TMEM132B: variants seen among roughly 807,000 people sequenced by gnomAD.
TMEM132B encodes the protein transmembrane protein 132B.
TMEM132B carries 18 observed loss-of-function variants against 90.8 expected under a neutral mutation model. The observed-to-expected ratio is 0.20, with a 90% CI of 0.14 to 0.29. The LOEUF (loss-of-function observed/expected upper bound fraction) is 0.29, where lower values mean the gene tolerates loss of function less well. Ranked by LOEUF, TMEM132B falls within the 10% of genes least tolerant of loss-of-function variation. The pLI, the probability that TMEM132B is intolerant of heterozygous loss-of-function variation, is 1.00. For missense variants in TMEM132B, 1,096 were observed against 1,326.8 expected, an observed-to-expected ratio of 0.83 and a Z score of 2.70; for synonymous variants, 504 against 523.3, an observed-to-expected ratio of 0.96 and a Z score of 0.50.
intron 1 of TMEM132B, among the ~76,000 whole-genome samples, chr12:125,206,236 G>T (rs920312569): frequency 6.6e-6 from 1 of 152,076 alleles, no homozygotes; most frequent in South Asian, 2.1e-4. Flanking sequence ...ATGATTTTTT[G>T]TTTGTTTGTT....
In TMEM132B at chr12:125,459,713, A is replaced by G. The variant is rs1881386572; in HGVS notation, c.1106+44036A>G. ...ACACAAAGGATAAATGCTTGAGAGG[A>G]TGGATACCCCATGGTATGGTCTGGA... On this transcript the variant is annotated intron_variant, in intron 3 of 8. Coordinates refer to ENST00000682704, the MANE Select transcript of TMEM132B (RefSeq NM_001366854.1). This position sits in a 1 kb window ranked among gnomAD's most constrained non-coding sequence, Gnocchi z 4.1. Among the ~76,000 whole-genome samples the G allele has an allele frequency of 6.6e-6, 1 of 152,188 alleles. No individual in the cohort carries two copies. The highest frequency in any genetic ancestry group is 1.5e-5 in the Non-Finnish European group (1 of 68,028).
intron 1 of TMEM132B, among the ~76,000 whole-genome samples, chr12:125,344,556 G>A (rs1036383868): frequency 6.6e-6 from 1 of 152,170 alleles, no homozygotes; most frequent in African/African-American, 2.4e-5. Flanking sequence ...GTTTCTGCCA[G>A]TGAATGCTGC....
intron 5 of TMEM132B, among the ~76,000 whole-genome samples, chr12:125,611,083 G>A (rs1466465450): frequency 6.6e-6 from 1 of 151,678 alleles, no homozygotes; most frequent in African/African-American, 2.4e-5. Flanking sequence ...CTTGTCATAG[G>A]CCTATTCAGA....
chr12:125,429,530 A>T (rs1346934310), intron 3 of TMEM132B, among the ~76,000 whole-genome samples: 1 of 151,998 alleles, frequency 6.6e-6, no homozygotes, highest in African/African-American at 2.4e-5. Context: ...CTGTTCTAGG[A>T]TCCCACATGA....
chr12:125,469,537 C>A (rs542105960), intron 3 of TMEM132B, among the ~76,000 whole-genome samples: 1 of 152,196 alleles, frequency 6.6e-6, no homozygotes, highest in Non-Finnish European at 1.5e-5. Flanking sequence ...GTGCCTGGGT[C>A]TTTGATGATG....
chr12:125,210,877 C>T (rs1351849775), intron 1 of TMEM132B, among the ~76,000 whole-genome samples: 2 of 152,024 alleles, frequency 1.3e-5, no homozygotes, highest in Non-Finnish European at 2.9e-5. Context: ...GCAGGAGGAC[C>T]ACTTGACCCC....
intron 3 of TMEM132B, among the ~76,000 whole-genome samples, chr12:125,470,122 C>T (rs1881671009): frequency 1.3e-5 from 2 of 152,204 alleles, no homozygotes; most frequent in Non-Finnish European, 2.9e-5. Context: ...ACAGATAATT[C>T]TGAGCCAGCC....
intron 2 of TMEM132B, among the ~76,000 whole-genome samples, chr12:125,378,421 G>T (rs1346305823): frequency 6.6e-6 from 1 of 152,190 alleles, no homozygotes; most frequent in African/African-American, 2.4e-5. Flanking sequence ...CCCATAAGAA[G>T]AATTTACAAG....
At chr12:125,285,532 G>A (rs1875325951) in intron 1 of TMEM132B, among the ~76,000 whole-genome samples, 1 of 152,150 alleles carries the variant, frequency 6.6e-6, no homozygotes, top group African/African-American at 2.4e-5. Flanking sequence ...AGTGAGAGAG[G>A]GGATTCACAC....
rs1318259752 is a variant in TMEM132B, at chr12:125,494,015, C to A, written c.1107-25424C>A. 5.5e-5 allele frequency among the ~76,000 whole-genome samples: 8 copies of A among 144,364 alleles called. No homozygotes were observed. In the South Asian group the frequency reaches 1.8e-3, roughly 33 times the overall value. 94.7% of individuals were successfully genotyped at this position (144,364 alleles called of 152,430 possible). ...CTGGAAATGGATGCGTCCCTCCTCT[C>A]CCTCCTCCCTGAAAATGGATGCGTC... On this transcript the variant is annotated intron_variant, in intron 3 of 8. Coordinates refer to ENST00000682704, the MANE Select transcript of TMEM132B (RefSeq NM_001366854.1).
chr12:125,393,517 T>C (rs1239317263), intron 2 of TMEM132B, among the ~76,000 whole-genome samples: 2 of 151,652 alleles, frequency 1.3e-5, no homozygotes, highest in Admixed American at 6.6e-5. Context: ...AATTGAAAGA[T>C]GGATAAGATT....
intron 1 of TMEM132B, among the ~76,000 whole-genome samples, chr12:125,244,714 C>T (rs1874169390): frequency 6.6e-6 from 1 of 152,204 alleles, no homozygotes; most frequent in African/African-American, 2.4e-5. Context: ...GACAGCGAGA[C>T]CCCCTTGAAC....
intron 3 of TMEM132B, among the ~76,000 whole-genome samples, chr12:125,441,863 G>A (rs1880884578): frequency 6.6e-6 from 1 of 152,210 alleles, no homozygotes; most frequent in Non-Finnish European, 1.5e-5. Context: ...AAAATGAAAA[G>A]CAACCCAGCC....
At chr12:125,220,726 C>A (rs184364283) in intron 1 of TMEM132B, among the ~76,000 whole-genome samples, 52 of 152,328 alleles carry the variant, frequency 3.4e-4, no homozygotes, top group Admixed American at 7.8e-4. Flanking sequence ...CTGCCTCTAC[C>A]CTCGTCCTGC....
intron 2 of TMEM132B, among the ~76,000 whole-genome samples, chr12:125,356,688 CAGGCCGCCATGTTGCCTACA>C (rs1217861580): frequency 6.6e-6 from 1 of 152,248 alleles, no homozygotes; most frequent in African/African-American, 2.4e-5. Flanking sequence ...AGTTAAGGCT[CAGGCCGCCATGTTGCCTACA>C]AGGCCCTGCG....
chr12:125,512,747 G>A (rs1883013207), intron 3 of TMEM132B, among the ~76,000 whole-genome samples: 1 of 152,170 alleles, frequency 6.6e-6, no homozygotes, highest in Non-Finnish European at 1.5e-5. Context: ...AACTGCCCTT[G>A]ACAAAACGGA....
chr12:125,634,816 C>T (rs549143650), intron 5 of TMEM132B, among the ~76,000 whole-genome samples: 3 of 152,278 alleles, frequency 2.0e-5, no homozygotes, highest in Admixed American at 2.0e-4. Context: ...AAAGTTCTCC[C>T]CATTCTTCCT....
At chr12:125,564,059 C>T (rs1441611654) in intron 4 of TMEM132B, among the ~76,000 whole-genome samples, 1 of 152,186 alleles carries the variant, frequency 6.6e-6, no homozygotes, top group African/African-American at 2.4e-5. Flanking sequence ...TACAAGCCCA[C>T]TCACGTGTTT....
intron 2 of TMEM132B, among the ~76,000 whole-genome samples, chr12:125,398,532 G>T (rs182809352): frequency 1.3e-5 from 2 of 152,272 alleles, no homozygotes; most frequent in African/African-American, 4.8e-5. Flanking sequence ...GACTGGCGGT[G>T]GGGGGGATGT....
Sources: allele counts gnomAD v4.1 joint callset (sites outside exome capture counted in the v4.1 genomes callset), GRCh38; gene constraint gnomAD v4.1.1; non-coding constraint Gnocchi (gnomAD v3.1); transcripts MANE v1.5; gene names NCBI Gene and HGNC (gene_info 2026-07-23, HGNC 2026-07-21).